Variants in ENOX1 observed in about 807,000 individuals in gnomAD.
ENOX1 encodes ecto-NOX disulfide-thiol exchanger 1.
A neutral mutation model predicts 82.5 loss-of-function variants in ENOX1; 42 were observed. That is an observed-to-expected ratio of 0.51 (90% CI 0.40 to 0.66). ENOX1 has a LOEUF of 0.66. Among genes scored for constraint, ENOX1 ranks in the 30% least tolerant of loss-of-function variants. The probability of loss-of-function intolerance (pLI) is 0.00; values close to 1 mark genes in which losing one functional copy is unlikely to be tolerated. For missense variants in ENOX1, 608 were observed against 811.6 expected, an observed-to-expected ratio of 0.75 and a Z score of 3.05; for synonymous variants, 271 against 282.2, an observed-to-expected ratio of 0.96 and a Z score of 0.40.
rs1385848913 is a variant in ENOX1, at chr13:43,786,269, AG to A, written c.-285+382del. ...AACGGGTCCCGGGGGCGACGCCCGC[AG>A]GGGGAGACGGGTGCGGGGTGCGCTG... is the stretch of plus-strand genomic sequence containing the variant. On this transcript the variant is annotated intron_variant, in intron 1 of 16. Coordinates refer to ENST00000690772, the MANE Select transcript of ENOX1 (RefSeq NM_001347969.2). This position sits in a 1 kb window ranked among gnomAD's most constrained non-coding sequence, Gnocchi z 6.0. 1.3e-5 allele frequency among the ~76,000 whole-genome samples: 2 copies of A among 152,044 alleles called. No homozygotes were observed. Among genetic ancestry groups the A allele is most frequent in the Non-Finnish European group, 2.9e-5 (2 of 67,984 alleles).
chr13:43,683,163 G>A (rs1294625973), intron 1 of ENOX1, among the ~76,000 whole-genome samples: 4 of 152,166 alleles, frequency 2.6e-5, no homozygotes, highest in South Asian at 4.1e-4. Context: ...TGACTGTTGT[G>A]TAGTACTTTG....
At chr13:43,376,741 C>G (rs562734102) in intron 5 of ENOX1, among the ~76,000 whole-genome samples, 1 of 152,310 alleles carries the variant, frequency 6.6e-6, no homozygotes, top group East Asian at 1.9e-4. Context: ...ATCCCTCACA[C>G]TGTTCCCCTT....
chr13:43,351,698 T>C (rs1285062808), intron 8 of ENOX1, among the ~76,000 whole-genome samples: 1 of 150,170 alleles, frequency 6.7e-6, no homozygotes, highest in Admixed American at 6.7e-5. Flanking sequence ...GTTCTTGCGA[T>C]AGTTTACTGA....
intron 3 of ENOX1, among the ~76,000 whole-genome samples, chr13:43,451,372 TTCTCCCACCACAATG>T (rs1277914623): frequency 6.6e-6 from 1 of 152,174 alleles, no homozygotes; most frequent in African/African-American, 2.4e-5. Context: ...AAATCCATTT[TTCTCCCACCACAATG>T]TAAGTACACA....
At chr13:43,370,727 G>A (rs2051180515) in intron 5 of ENOX1, among the ~76,000 whole-genome samples, 1 of 152,074 alleles carries the variant, frequency 6.6e-6, no homozygotes, top group East Asian at 1.9e-4. Flanking sequence ...AACCTCTATA[G>A]GTAACCACAT....
At chr13:43,467,122 A>G (rs1231628946) in intron 3 of ENOX1, among the ~76,000 whole-genome samples, 1 of 152,168 alleles carries the variant, frequency 6.6e-6, no homozygotes, top group African/African-American at 2.4e-5. Flanking sequence ...GTATGTTTTC[A>G]GTTCTCTTAG....
chr13:43,538,825 C>G (rs1181887303), intron 2 of ENOX1, among the ~76,000 whole-genome samples: 2 of 22,558 alleles, frequency 8.9e-5, no homozygotes, highest in East Asian at 0.042. Context: ...TGCCTTTCCT[C>G]CCCGCCCCTG....
Position 43,247,862 on chromosome 13 carries a change from TATA to T in ENOX1, c.1612-11127_1612-11125del, listed in dbSNP as rs2043197199. Among the ~76,000 whole-genome samples the T allele has an allele frequency of 4.9e-3, 17 of 3,472 alleles. 2 individuals carry two copies. The highest frequency in any genetic ancestry group is 7.4e-3 in the Non-Finnish European group (12 of 1,622). 2.3% of individuals were successfully genotyped at this position (3,472 alleles called of 152,430 possible). A position where few individuals can be genotyped will look rare whatever the true frequency, so the allele number is the denominator to read the frequency against. ...ATATATATATATATATATATATATATATATATATATATATATATATATTTTTTT... is the reference window on the plus strand; with the variant it reads ...ATATATATATATATATATATATATATTATATATATATATATATATTTTTTT... On this transcript the variant is annotated intron_variant, in intron 14 of 16. Transcript: ENST00000690772.
intron 1 of ENOX1, among the ~76,000 whole-genome samples, chr13:43,712,586 A>G (rs2087802512): frequency 6.8e-6 from 1 of 147,386 alleles, no homozygotes; most frequent in Admixed American, 6.9e-5. Flanking sequence ...ATCCTCTTTT[A>G]TTTCATTGAG....
At chr13:43,317,367 G>A (rs1222064184) in intron 11 of ENOX1, among the ~76,000 whole-genome samples, 1 of 152,080 alleles carries the variant, frequency 6.6e-6, no homozygotes, top group Non-Finnish European at 1.5e-5. Flanking sequence ...TGCCTGGCTG[G>A]TGATGGGGTA....
intron 2 of ENOX1, among the ~76,000 whole-genome samples, chr13:43,521,855 C>T (rs1341670745): frequency 4.0e-5 from 6 of 151,850 alleles, no homozygotes; most frequent in African/African-American, 1.5e-4. Flanking sequence ...TTTGAGTATA[C>T]AAAAAATAAA....
chr13:43,765,264 A>G (rs1461277233), intron 1 of ENOX1, among the ~76,000 whole-genome samples: 2 of 152,210 alleles, frequency 1.3e-5, no homozygotes, highest in African/African-American at 4.8e-5. Flanking sequence ...AAAACCCTGT[A>G]CTTTCCCAAC....
intron 2 of ENOX1, among the ~76,000 whole-genome samples, chr13:43,579,601 C>T (rs557111270): frequency 6.6e-6 from 1 of 152,262 alleles, no homozygotes; most frequent in Admixed American, 6.5e-5. Context: ...TATTGATCTC[C>T]CCATGAGACC....
chr13:43,559,940 T>C (rs947221932), intron 2 of ENOX1, among the ~76,000 whole-genome samples: 2 of 152,216 alleles, frequency 1.3e-5, no homozygotes, highest in Non-Finnish European at 2.9e-5. Context: ...AACTTTCAAG[T>C]AGTTCAATGA....
chr13:43,231,983 G>A (rs2042305529), intron 15 of ENOX1, among the ~76,000 whole-genome samples: 1 of 152,014 alleles, frequency 6.6e-6, no homozygotes, highest in Non-Finnish European at 1.5e-5. Flanking sequence ...GTTGTGCAGT[G>A]GTGCTGCTCA....
chr13:43,707,208 T>G (rs1214367333), intron 1 of ENOX1, among the ~76,000 whole-genome samples: 1 of 151,956 alleles, frequency 6.6e-6, no homozygotes, highest in Non-Finnish European at 1.5e-5. Flanking sequence ...ATAACAAATA[T>G]GCAAGACCTC....
intron 2 of ENOX1, among the ~76,000 whole-genome samples, chr13:43,665,535 C>A (rs2084935139): frequency 6.6e-6 from 1 of 151,998 alleles, no homozygotes; most frequent in Non-Finnish European, 1.5e-5. Flanking sequence ...CAAAGAGATG[C>A]AGCTGGAAAG....
chr13:43,427,168 G>A (rs1178063372), intron 3 of ENOX1, among the ~76,000 whole-genome samples: 2 of 152,098 alleles, frequency 1.3e-5, no homozygotes, highest in African/African-American at 4.8e-5. Flanking sequence ...CAAAGCTAAA[G>A]TCTATAAAGT....
At chr13:43,381,918 C>G (rs2052077308) in intron 5 of ENOX1, among the ~76,000 whole-genome samples, 1 of 151,924 alleles carries the variant, frequency 6.6e-6, no homozygotes, top group African/African-American at 2.4e-5. Flanking sequence ...GCTAGAGAAT[C>G]CTACTCTAGT....
Sources: allele counts gnomAD v4.1 joint callset (sites outside exome capture counted in the v4.1 genomes callset), GRCh38; gene constraint gnomAD v4.1.1; non-coding constraint Gnocchi (gnomAD v3.1); transcripts MANE v1.5; gene names NCBI Gene and HGNC (gene_info 2026-07-23, HGNC 2026-07-21).